GRIN2B: variants seen among roughly 807,000 people sequenced by gnomAD.
The protein encoded by GRIN2B is glutamate ionotropic receptor NMDA type subunit 2B, also known as glutamate receptor ionotropic, NMDA 2B.
A neutral mutation model predicts 114.5 loss-of-function variants in GRIN2B; 5 were observed. That is an observed-to-expected ratio of 0.04 (90% confidence interval 0.02 to 0.09). The LOEUF (loss-of-function observed/expected upper bound fraction) is 0.09. Among genes scored for constraint, GRIN2B ranks in the 10% least tolerant of loss-of-function variants. The pLI is 1.00. For synonymous variants in GRIN2B, 787 were observed against 745.1 expected (o/e 1.06, Z -0.92); for missense variants, 1,108 against 1,943.5 (o/e 0.57, Z 8.08).
intron 10 of GRIN2B, among the ~76,000 whole-genome samples, chr12:13,599,999 T>G (rs1394203075): frequency 2.0e-5 from 3 of 152,276 alleles, no homozygotes; most frequent in South Asian, 4.1e-4. Context: ...TGCCTATTTT[T>G]GGCTTTAATT....
chr12:13,948,380 T>C (rs1205357675), intron 2 of GRIN2B, among the ~76,000 whole-genome samples: 1 of 152,208 alleles, frequency 6.6e-6, no homozygotes, highest in Admixed American at 6.5e-5. Context: ...CTAAAGATGC[T>C]GAGATGTGTT....
At chr12:13,909,709 A>T (rs1866599638) in intron 2 of GRIN2B, among the ~76,000 whole-genome samples, 1 of 152,194 alleles carries the variant, frequency 6.6e-6, no homozygotes, top group African/African-American at 2.4e-5. Context: ...AAAGTGCCTT[A>T]AGGTGTGAAG....
chr12:13,958,650 G>A (rs1055243557), intron 2 of GRIN2B, among the ~76,000 whole-genome samples: 1 of 152,088 alleles, frequency 6.6e-6, no homozygotes, highest in Non-Finnish European at 1.5e-5. Context: ...ACCTCTGACG[G>A]AGGCATTTTG....
intron 2 of GRIN2B, among the ~76,000 whole-genome samples, chr12:13,976,736 T>C (rs971494550): frequency 6.6e-6 from 1 of 152,164 alleles, no homozygotes; most frequent in Non-Finnish European, 1.5e-5. Flanking sequence ...GTTAGTAGTA[T>C]ATATGTCACC....
chr12:13,761,007 A>G (rs189768929), intron 3 of GRIN2B, among the ~76,000 whole-genome samples: 1 of 152,326 alleles, frequency 6.6e-6, no homozygotes, highest in Non-Finnish European at 1.5e-5. Context: ...GATGTTCTCC[A>G]GCCTCACCAT....
At chr12:13,916,646 G>A (rs181659239) in intron 2 of GRIN2B, among the ~76,000 whole-genome samples, 30 of 151,466 alleles carry the variant, frequency 2.0e-4, no homozygotes, top group African/African-American at 7.3e-4. Flanking sequence ...GCCAGGATTC[G>A]AGACCAGCCT....
intron 3 of GRIN2B, among the ~76,000 whole-genome samples, chr12:13,786,676 A>AC (rs1864227157): frequency 6.7e-6 from 1 of 149,354 alleles, no homozygotes; most frequent in Non-Finnish European, 1.5e-5. Flanking sequence ...GGCTGAGGGG[A>AC]AAAAAAAAAG....
At chr12:13,580,896 G>A (rs904175298) in intron 10 of GRIN2B, among the ~76,000 whole-genome samples, 7 of 152,098 alleles carry the variant, frequency 4.6e-5, no homozygotes, top group Admixed American at 2.6e-4. Flanking sequence ...TTTCTAAAAC[G>A]TCATATAAAT....
At chr12:13,950,154 G>A (rs556208477) in intron 2 of GRIN2B, among the ~76,000 whole-genome samples, 18 of 152,286 alleles carry the variant, frequency 1.2e-4, no homozygotes, top group South Asian at 2.1e-4. Context: ...GAAAATCATC[G>A]TATTAATCTA....
At chr12:13,568,626 T>A (rs896898152) in intron 12 of GRIN2B, among the ~76,000 whole-genome samples, 20 of 152,236 alleles carry the variant, frequency 1.3e-4, no homozygotes, top group African/African-American at 4.8e-4. Flanking sequence ...AAAATCCACC[T>A]GTGGTCTTCT....
intron 4 of GRIN2B, among the ~76,000 whole-genome samples, chr12:13,732,987 G>A (rs1457049057): frequency 6.6e-6 from 1 of 152,206 alleles, no homozygotes; most frequent in Non-Finnish European, 1.5e-5. Context: ...GGAGCTAACA[G>A]TCTAGTTAGA....
At chr12:13,910,433 G>A (rs1002305320) in intron 2 of GRIN2B, among the ~76,000 whole-genome samples, 2 of 152,194 alleles carry the variant, frequency 1.3e-5, no homozygotes, top group Non-Finnish European at 2.9e-5. Context: ...GATTATGCTA[G>A]CAATAGGCAG....
chr12:13,743,287 T>C (rs1863316766), intron 4 of GRIN2B, among the ~76,000 whole-genome samples: 1 of 152,190 alleles, frequency 6.6e-6, no homozygotes, highest in Non-Finnish European at 1.5e-5. Context: ...CTGTTGGTTA[T>C]GTTCTAGATA....
chr12:13,940,255 T>C (rs1438787532), intron 2 of GRIN2B, among the ~76,000 whole-genome samples: 1 of 152,114 alleles, frequency 6.6e-6, no homozygotes, highest in Admixed American at 6.6e-5. Flanking sequence ...AACAATACAA[T>C]TTACAGTTAC....
At position 13,866,327 on chromosome 12, in the gene GRIN2B, A is replaced by C. The variant is rs1055637360; in HGVS notation, c.-18-101T>G. 29 of 994,596 alleles carry C rather than the reference A, an allele frequency of 2.9e-5. No individual in the cohort carries two copies. The East Asian group carries it at 7.2e-4, about 25-fold the overall frequency. The allele number at this position is 994,596 out of a possible 1,614,324, so 61.6% of individuals were successfully genotyped here. ...CAATTCAAGGACCTTATCTCCTTTCATTGAGCACCAAACCCAACTCCATCT... is the reference window on the plus strand; with the variant it reads ...CAATTCAAGGACCTTATCTCCTTTCCTTGAGCACCAAACCCAACTCCATCT... On this transcript the variant is annotated intron_variant, in intron 2 of 13. Coordinates refer to ENST00000609686, the MANE Select transcript of GRIN2B (RefSeq NM_000834.5).
chr12:13,611,096 A>C (rs1949360315), intron 9 of GRIN2B, among the ~76,000 whole-genome samples: 1 of 152,218 alleles, frequency 6.6e-6, no homozygotes, highest in South Asian at 2.1e-4. Flanking sequence ...CCTCAAACAC[A>C]TGGGCAGCCC....
intron 4 of GRIN2B, among the ~76,000 whole-genome samples, chr12:13,748,143 T>A (rs1046193724): frequency 1.3e-5 from 2 of 152,150 alleles, no homozygotes; most frequent in Non-Finnish European, 2.9e-5. Flanking sequence ...AAGAAGAATT[T>A]AGGGAAGGAG....
At chr12:13,803,328 C>T (rs371936399) in intron 3 of GRIN2B, among the ~76,000 whole-genome samples, 2 of 151,984 alleles carry the variant, frequency 1.3e-5, no homozygotes, top group East Asian at 3.9e-4. Flanking sequence ...GTTCAAGGGT[C>T]AACTGTACTT....
chr12:13,900,638 C>T (rs1196461473), intron 2 of GRIN2B, among the ~76,000 whole-genome samples: 3 of 152,238 alleles, frequency 2.0e-5, no homozygotes, highest in Non-Finnish European at 2.9e-5. Context: ...GCAGGAAACC[C>T]CCATTGAGTA....
Sources: gnomAD v4.1 joint callset for allele counts (sites outside exome capture counted in the v4.1 genomes callset) on GRCh38, gnomAD v4.1.1 for gene constraint, MANE v1.5 for transcripts, NCBI Gene and HGNC (gene_info 2026-07-23, HGNC 2026-07-21) for gene names.